ZNF804B: variants seen among roughly 807,000 people sequenced by gnomAD.
ZNF804B encodes zinc finger protein 804B.
Under a neutral mutation model 101.4 loss-of-function variants are expected in ZNF804B, and 80 were observed. The ratio of observed to expected loss-of-function variants is 0.79; its 90% CI spans 0.66 to 0.95. The LOEUF is 0.95. Ranked by LOEUF, ZNF804B falls within the 40% of genes least tolerant of loss-of-function variation. The pLI, the probability that ZNF804B is intolerant of heterozygous loss-of-function variation, is 0.00. For missense variants in ZNF804B, 1,673 were observed against 1,561.9 expected, an observed-to-expected ratio of 1.07 and a Z score of -1.20; for synonymous variants, 622 against 558.8, an observed-to-expected ratio of 1.11 and a Z score of -1.59.
At chr7:89,220,020 T>TATGTATATAC in intron 2 of ZNF804B, among the ~76,000 whole-genome samples, 1 of 130,858 alleles carries the variant, frequency 7.6e-6, no homozygotes, top group Non-Finnish European at 1.6e-5. Flanking sequence ...TATGTGTGTA[T>TATGTATATAC]ACATATATAT....
At chr7:89,208,315 C>G (rs958634506) in intron 1 of ZNF804B, among the ~76,000 whole-genome samples, 1 of 152,120 alleles carries the variant, frequency 6.6e-6, no homozygotes, top group African/African-American at 2.4e-5. Flanking sequence ...ATCTCCTGAC[C>G]TCGTGATCCA....
chr7:89,333,803 A>G lies in ZNF804B; in HGVS notation c.821A>G (p.His274Arg), dbSNP rs151146081. 38 of 1,613,344 alleles carry G rather than the reference A, an allele frequency of 2.4e-5. No individual in the cohort carries two copies. In the African/African-American group the frequency reaches 4.3e-4, roughly 18 times the overall value. Residue 274 changes from histidine (H) to arginine (R), a missense_variant, in exon 4 of 4, where the codon CAC (histidine) becomes CGC (arginine). Coordinates refer to ENST00000333190, the MANE Select transcript of ZNF804B (RefSeq NM_181646.5). ...KCCRFANKDT[H>R]LTKEKEVNIS... is the part of the protein sequence containing the mutation. ...TGCAGGTTTGCAAATAAAGATACAC[A>G]CCTTACCAAGGAAAAAGAGGTAAAT...
chr7:88,920,521 A>T (rs1456433100), intron 1 of ZNF804B, among the ~76,000 whole-genome samples: 1 of 152,040 alleles, frequency 6.6e-6, no homozygotes, highest in Non-Finnish European at 1.5e-5. Flanking sequence ...ATTTTCTCTT[A>T]AACTTAGTTT....
intron 1 of ZNF804B, among the ~76,000 whole-genome samples, chr7:88,785,716 G>A (rs1430814547): frequency 2.0e-5 from 3 of 152,048 alleles, no homozygotes; most frequent in Non-Finnish European, 4.4e-5. Context: ...TCCCAACACA[G>A]TATGCTTCTT....
chr7:88,797,916 C>T (rs1247300574), intron 1 of ZNF804B, among the ~76,000 whole-genome samples: 1 of 152,098 alleles, frequency 6.6e-6, no homozygotes, highest in Non-Finnish European at 1.5e-5. Context: ...GTTAACTCAC[C>T]TTGTCAGTTT....
At position 89,334,164 on chromosome 7, in the gene ZNF804B, A is replaced by G. The variant is rs759683557; in HGVS notation, c.1182A>G (p.Glu394=). The part of the protein sequence containing the change: ...LDEFSSLEPS[E]QKSTVHLNPN... ...AGTTTTCATCACTGGAGCCAAGTGAACAAAAGAGTACAGTGCATCTGAATC... is the reference window on the plus strand; with the variant it reads ...AGTTTTCATCACTGGAGCCAAGTGAGCAAAAGAGTACAGTGCATCTGAATC... The change falls in exon 4 of 4, where the codon GAA becomes GAG. Residue 394 remains glutamate, a synonymous_variant. Transcript: ENST00000333190. 1 of 1,613,564 alleles carries G rather than the reference A, an allele frequency of 6.2e-7. No homozygotes were observed. Among genetic ancestry groups the G allele is most frequent in the Non-Finnish European group, 8.5e-7 (1 of 1,179,808 alleles).
intron 1 of ZNF804B, among the ~76,000 whole-genome samples, chr7:88,931,023 A>G (rs1792876823): frequency 6.6e-6 from 1 of 151,798 alleles, no homozygotes; most frequent in African/African-American, 2.4e-5. Flanking sequence ...AACATTTATA[A>G]TTCAGTAGTT....
intron 1 of ZNF804B, among the ~76,000 whole-genome samples, chr7:88,973,148 T>A (rs1793561490): frequency 6.6e-6 from 1 of 151,290 alleles, no homozygotes; most frequent in African/African-American, 2.4e-5. Flanking sequence ...AAGGGTTTTT[T>A]TTTTTTGCAT....
chr7:88,934,540 A>G (rs1174265003), intron 1 of ZNF804B, among the ~76,000 whole-genome samples: 1 of 152,178 alleles, frequency 6.6e-6, no homozygotes, highest in African/African-American at 2.4e-5. Context: ...AAGGAACTCA[A>G]ATCGGCAAGA....
chr7:89,222,544 A>G (rs901937392), intron 2 of ZNF804B, among the ~76,000 whole-genome samples: 1 of 151,906 alleles, frequency 6.6e-6, no homozygotes, highest in Non-Finnish European at 1.5e-5. Flanking sequence ...CAAATCCACA[A>G]TCTGGCTCTT....
At chr7:88,905,339 A>G (rs886444550) in intron 1 of ZNF804B, among the ~76,000 whole-genome samples, 1 of 151,878 alleles carries the variant, frequency 6.6e-6, no homozygotes, top group Admixed American at 6.6e-5. Flanking sequence ...GTGCTGTTGA[A>G]TACAGTATGC....
At chr7:89,322,838 C>A (rs906880734) in intron 2 of ZNF804B, among the ~76,000 whole-genome samples, 1 of 152,104 alleles carries the variant, frequency 6.6e-6, no homozygotes, top group African/African-American at 2.4e-5. Context: ...TCAGTGGTGA[C>A]TCTAGTATTT....
chr7:88,898,217 GCTGGAA>G (rs930560015), intron 1 of ZNF804B, among the ~76,000 whole-genome samples: 2 of 151,248 alleles, frequency 1.3e-5, no homozygotes, highest in Non-Finnish European at 2.9e-5. Flanking sequence ...CTCCCGAGTA[GCTGGAA>G]CTACAGGCGC....
chr7:88,936,674 T>G (rs926030911), intron 1 of ZNF804B, among the ~76,000 whole-genome samples: 2 of 152,072 alleles, frequency 1.3e-5, no homozygotes, highest in Non-Finnish European at 2.9e-5. Flanking sequence ...ATCTTCCTTC[T>G]TGTGTTAGAT....
chr7:88,846,027 T>C (rs1234685696), intron 1 of ZNF804B, among the ~76,000 whole-genome samples: 1 of 152,180 alleles, frequency 6.6e-6, no homozygotes, highest in East Asian at 1.9e-4. Context: ...CTTTGGAATA[T>C]CACCAGCTTT....
rs1487657483 is a variant in ZNF804B at position 89,017,152 on chromosome 7, T to A, written c.109-201003T>A. On this transcript the variant is annotated intron_variant, in intron 1 of 3. Coordinates refer to ENST00000333190, the MANE Select transcript of ZNF804B (RefSeq NM_181646.5). ...GCTCTCTGTTTGTCTGCTATTGGTGTATAAGAATGCTTGTGATTTTTGTAC... is the reference window on the plus strand; with the variant it reads ...GCTCTCTGTTTGTCTGCTATTGGTGAATAAGAATGCTTGTGATTTTTGTAC... Among the ~76,000 whole-genome samples the A allele has an allele frequency of 7.2e-5, 11 of 152,326 alleles. No individual in the cohort carries two copies. In the East Asian group the frequency reaches 7.7e-4, roughly 11 times the overall value.
chr7:89,181,631 T>C (rs59620978), intron 1 of ZNF804B, among the ~76,000 whole-genome samples: 36,692 of 152,154 alleles, frequency 0.24, 4,618 homozygotes, highest in Non-Finnish European at 0.27. Flanking sequence ...TTCCTTGATA[T>C]CATGTTAAAA....
intron 1 of ZNF804B, among the ~76,000 whole-genome samples, chr7:88,828,165 C>A (rs532517014): frequency 2.0e-5 from 3 of 152,166 alleles, no homozygotes; most frequent in Non-Finnish European, 2.9e-5. Flanking sequence ...ATGCCATATC[C>A]CCTTTCTATT....
chr7:89,051,813 T>C (rs917629310), intron 1 of ZNF804B, among the ~76,000 whole-genome samples: 1 of 152,186 alleles, frequency 6.6e-6, no homozygotes, highest in African/African-American at 2.4e-5. Flanking sequence ...CTTCAAATCC[T>C]GTCTTCCACA....
Sources: allele counts gnomAD v4.1 joint callset (sites outside exome capture counted in the v4.1 genomes callset), GRCh38; gene constraint gnomAD v4.1.1; transcripts MANE v1.5; gene names NCBI Gene and HGNC (gene_info 2026-07-23, HGNC 2026-07-21).